Variants in TVP23C observed in about 807,000 individuals in gnomAD.
TVP23C encodes trans-golgi network vesicle protein 23 homolog C.
TVP23C carries 19 observed loss-of-function variants against 28.7 expected under a neutral mutation model. That is an observed-to-expected ratio of 0.66 (90% confidence interval 0.46 to 0.97). TVP23C has a LOEUF of 0.97. TVP23C is among the 50% of genes least tolerant of loss of function. TVP23C has a pLI of 0.00. For missense variants in TVP23C, 186 were observed against 241.3 expected (o/e 0.77, Z 1.52); for synonymous variants, 68 against 81.7 (o/e 0.83, Z 0.90).
intron 1 of TVP23C, among the ~76,000 whole-genome samples, chr17:15,556,339 A>G (rs1984128842): frequency 6.6e-6 from 1 of 150,452 alleles, no homozygotes; most frequent in African/African-American, 2.4e-5. Flanking sequence ...ACCTTCCCAA[A>G]GCATTGCTTC....
intron 5 of TVP23C, among the ~76,000 whole-genome samples, chr17:15,530,343 T>G (rs1173352274): frequency 1.3e-5 from 2 of 152,224 alleles, no homozygotes; most frequent in African/African-American, 2.4e-5. Context: ...CTAGGGACTA[T>G]GATTAATATC....
downstream of TVP23C, among the ~76,000 whole-genome samples, chr17:15,532,452 C>T (rs1186955093): frequency 1.3e-5 from 2 of 152,134 alleles, no homozygotes; most frequent in Non-Finnish European, 2.9e-5. Flanking sequence ...GGTTTCTAGG[C>T]TACTGGTTGT....
chr17:15,542,457 A>ATTATTTTTATTTAT (rs765627278), intron 5 of TVP23C, among the ~76,000 whole-genome samples: 5 of 151,866 alleles, frequency 3.3e-5, no homozygotes, highest in Admixed American at 2.6e-4. Flanking sequence ...ATTTATTTTT[A>ATTATTTTTATTTAT]TTATTTTTAT....
rs764350520 is a variant in TVP23C at position 15,538,124 on chromosome 17, T to C, written c.*2288A>G. The C allele has an allele frequency of 2.5e-6, 4 of 1,613,718 alleles. No homozygotes were observed. The highest frequency in any genetic ancestry group is 3.4e-6 in the Non-Finnish European group (4 of 1,179,850). ...TGTAACAAAGCACATAAGCTTTCTC[T>C]ATTCAGGAAGTCTGATCATCTCCAG... On this transcript the variant is annotated 3_prime_UTR_variant, in exon 6 of 6. Coordinates refer to ENST00000518321, the MANE Select transcript of TVP23C (RefSeq NM_001135036.2).
downstream of TVP23C, among the ~76,000 whole-genome samples, chr17:15,535,383 A>G (rs1408601511): frequency 6.7e-6 from 1 of 149,864 alleles, no homozygotes; most frequent in Non-Finnish European, 1.5e-5. Flanking sequence ...GTTGTGAAGA[A>G]GTCAAATGTG....
At chr17:15,562,529 T>C (rs1315391620) in intron 1 of TVP23C, 2 of 152,000 alleles carry the variant, frequency 1.3e-5, no homozygotes, top group Non-Finnish European at 2.9e-5. Context: ...GGACCCTCTT[T>C]TCGGGTCTGG....
At chr17:15,532,424 A>G (rs755248249), downstream of TVP23C, among the ~76,000 whole-genome samples, 17 of 151,808 alleles carry the variant, frequency 1.1e-4, no homozygotes, top group South Asian at 2.1e-4. Flanking sequence ...TCTTGGGGGG[A>G]CTCTAAATTC....
chr17:15,539,886 G>A lies in TVP23C; in HGVS notation c.*526C>T, dbSNP rs1391682452. The A allele has an allele frequency of 2.7e-6, 2 of 748,562 alleles. No individual in the cohort carries two copies. The highest frequency in any genetic ancestry group is 3.8e-5 in the African/African-American group (2 of 52,436). 46.4% of individuals were successfully genotyped at this position (748,562 alleles called of 1,614,324 possible). A position where few individuals can be genotyped will look rare whatever the true frequency, so the allele number is the denominator to read the frequency against. On this transcript the variant is annotated 3_prime_UTR_variant, in exon 6 of 6. Transcript: ENST00000518321. ...AGGTGGGCAGATCACAAGGTCATGA[G>A]ATGGAGACCATCCTGGCTAACATGA...
intron 3 of TVP23C, 84 bp downstream of exon 3, chr17:15,553,601 T>C (rs1305673091): frequency 6.6e-6 from 10 of 1,509,132 alleles, no homozygotes; most frequent in East Asian, 5.0e-5. Context: ...AACAAAAGAT[T>C]AACAATAATG....
chr17:15,561,599 CATAAATGA>C (rs1398108465), intron 1 of TVP23C, among the ~76,000 whole-genome samples: 2 of 140,114 alleles, frequency 1.4e-5, no homozygotes, highest in African/African-American at 2.8e-5. Context: ...AACTCCGTCT[CATAAATGA>C]ATGAATGAAT....
At chr17:15,548,154 G>GT (rs1250981446) in intron 3 of TVP23C, among the ~76,000 whole-genome samples, 1 of 151,850 alleles carries the variant, frequency 6.6e-6, no homozygotes, top group Non-Finnish European at 1.5e-5. Flanking sequence ...TTGTAGTTTT[G>GT]TTTTTTGTTT....
At chr17:15,505,378 A>G (rs1432505731) in intron 5 of TVP23C, among the ~76,000 whole-genome samples, 2 of 152,166 alleles carry the variant, frequency 1.3e-5, no homozygotes, top group Non-Finnish European at 2.9e-5. Flanking sequence ...TCAGGCAGTG[A>G]CGCCTACTGG....
At position 15,538,590 on chromosome 17, in the gene TVP23C, C is replaced by CA. The variant is rs200633199; in HGVS notation, c.*1821dup. The CA allele has an allele frequency of 5.2e-3, 5,093 of 980,706 alleles. 189 individuals are homozygous for CA. In the African/African-American group the frequency reaches 0.082, roughly 16 times the overall value. The allele number at this position is 980,706 out of a possible 1,614,324, so 60.8% of individuals were successfully genotyped here. Reference sequence around the variant, plus strand: ...GGGCAAACAGAGTGAGACTCTGTCTCAAAAAAAATAAATAAATAAAAAAGT... The same window carrying CA: ...GGGCAAACAGAGTGAGACTCTGTCTCAAAAAAAAATAAATAAATAAAAAAGT... On this transcript the variant is annotated 3_prime_UTR_variant, in exon 6 of 6. Coordinates refer to ENST00000518321, the MANE Select transcript of TVP23C (RefSeq NM_001135036.2).
At chr17:15,558,529 A>C (rs1257789068) in intron 1 of TVP23C, among the ~76,000 whole-genome samples, 1 of 148,290 alleles carries the variant, frequency 6.7e-6, no homozygotes, top group African/African-American at 2.5e-5. Context: ...TGGATTACCC[A>C]GGCTGGTCAG....
Position 15,515,514 on chromosome 17 carries a change from A to G in TVP23C, c.463-12282T>C, listed in dbSNP as rs569163094. On this transcript the variant is annotated intron_variant, in intron 5 of 5. Coordinates refer to the TVP23C transcript ENST00000225576. ...TTGGGAGCCTGAGACGTGAGCAATG[A>G]AAAATGAACTACACGAGATACGATT... Among the ~76,000 whole-genome samples the G allele has an allele frequency of 6.6e-5, 10 of 152,324 alleles. 1 individual carries two copies. In the South Asian group the frequency reaches 2.1e-3, roughly 32 times the overall value.
intron 3 of TVP23C, among the ~76,000 whole-genome samples, chr17:15,548,568 C>T (rs1417228227): frequency 1.3e-5 from 2 of 152,144 alleles, no homozygotes; most frequent in Non-Finnish European, 2.9e-5. Context: ...TTAAAAACAC[C>T]CTGACACAAT....
At chr17:15,502,750 G>A (rs746773258) in exon 6 of TVP23C, 164 of 993,256 alleles carry the variant, frequency 1.7e-4, no homozygotes, top group Non-Finnish European at 2.1e-4. Context: ...CCTCTCTCCC[G>A]TCTCTTTCTC....
downstream of TVP23C, among the ~76,000 whole-genome samples, chr17:15,535,582 A>G (rs1420420315): frequency 6.6e-6 from 1 of 152,140 alleles, no homozygotes; most frequent in Non-Finnish European, 1.5e-5. Context: ...TAATAAAATG[A>G]CTTTTCACCA....
chr17:15,563,315 G>A, intron 1 of TVP23C, 122 bp downstream of exon 1: 1 of 1,496,282 alleles, frequency 6.7e-7, no homozygotes. Context: ...CTCCACTCCC[G>A]GCCGCCCCGC....
Sources: allele counts gnomAD v4.1 joint callset (sites outside exome capture counted in the v4.1 genomes callset), GRCh38; gene constraint gnomAD v4.1.1; transcripts MANE v1.5; gene names NCBI Gene and HGNC (gene_info 2026-07-23, HGNC 2026-07-21).